The following SIPA1L3 variants were observed in gnomAD, a reference collection of about 807,000 sequenced individuals.
SIPA1L3 encodes signal induced proliferation associated 1 like 3.
In SIPA1L3, 59 loss-of-function variants were observed where a neutral mutation model predicts 150.1. The observed-to-expected ratio is 0.39, with a 90% CI of 0.32 to 0.49. The LOEUF is 0.49. Ranked by LOEUF, SIPA1L3 falls within the 20% of genes least tolerant of loss-of-function variation. SIPA1L3 has a pLI of 0.86. For synonymous variants in SIPA1L3, 1,070 were observed against 1,077.6 expected, an observed-to-expected ratio of 0.99 and a Z score of 0.14; for missense variants, 2,211 against 2,489.5, an observed-to-expected ratio of 0.89 and a Z score of 2.38.
chr19:37,990,692 T>C (rs1967481941), intron 1 of SIPA1L3, among the ~76,000 whole-genome samples: 1 of 152,210 alleles, frequency 6.6e-6, no homozygotes, highest in Non-Finnish European at 1.5e-5. Context: ...CCTTGACTTG[T>C]AGCTGGCAAG....
intron 15 of SIPA1L3, among the ~76,000 whole-genome samples, chr19:38,167,634 C>T (rs919094295): frequency 3.9e-5 from 6 of 152,176 alleles, no homozygotes; most frequent in Non-Finnish European, 7.3e-5. Context: ...ACGACCATAG[C>T]TCACGATAGC....
chr19:37,923,115 C>A (rs1232729254), intron 1 of SIPA1L3, among the ~76,000 whole-genome samples: 1 of 149,220 alleles, frequency 6.7e-6, no homozygotes, highest in African/African-American at 2.5e-5. Flanking sequence ...CCAGCCTGGG[C>A]GACAGAGCGA....
At position 38,015,381 on chromosome 19, in the gene SIPA1L3, G is replaced by T. The variant is rs932592883; in HGVS notation, c.-378-13708G>T. On this transcript the variant is annotated intron_variant, in intron 1 of 21. Coordinates refer to ENST00000222345, the MANE Select transcript of SIPA1L3 (RefSeq NM_015073.3). ...ACCGTATCTTTCTCTTGCCTTCCAT[G>T]TCATTGTTCTGCATACCTAGTTGGC... Among the ~76,000 whole-genome samples the T allele has an allele frequency of 4.6e-5, 7 of 152,130 alleles. 1 individual carries two copies. The highest frequency in any genetic ancestry group is 4.1e-4 in the South Asian group (2 of 4,822).
At chr19:38,099,421 G>A (rs1261606501) in intron 4 of SIPA1L3, among the ~76,000 whole-genome samples, 1 of 151,772 alleles carries the variant, frequency 6.6e-6, no homozygotes, top group African/African-American at 2.4e-5. Flanking sequence ...CAAGGCAGGT[G>A]GGTGTTTTAC....
intron 2 of SIPA1L3, among the ~76,000 whole-genome samples, chr19:38,077,134 G>C (rs936681879): frequency 1.3e-5 from 2 of 152,124 alleles, no homozygotes; most frequent in Non-Finnish European, 2.9e-5. Context: ...GGCAGCAGAT[G>C]AGTTCCCAGA....
At chr19:37,988,155 A>G (rs973055309) in intron 1 of SIPA1L3, among the ~76,000 whole-genome samples, 4 of 152,064 alleles carry the variant, frequency 2.6e-5, no homozygotes, top group Non-Finnish European at 5.9e-5. Flanking sequence ...GGGCCTGTGA[A>G]CACCTGAGGT....
chr19:37,913,138 G>A (rs1175634506), intron 1 of SIPA1L3, among the ~76,000 whole-genome samples: 1 of 152,144 alleles, frequency 6.6e-6, no homozygotes, highest in Non-Finnish European at 1.5e-5. Flanking sequence ...TGGCAAAATG[G>A]GTATGATAGT....
intron 21 of SIPA1L3, 59 bp from the exon 22 acceptor site, chr19:38,206,038 C>T (rs559773715): frequency 9.7e-5 from 143 of 1,477,596 alleles, no homozygotes; most frequent in Non-Finnish European, 1.1e-4. Context: ...AGGGAGCCAT[C>T]GGCTGTTCCA....
chr19:38,092,258 C>T (rs948757596), intron 4 of SIPA1L3, among the ~76,000 whole-genome samples: 16 of 151,884 alleles, frequency 1.1e-4, no homozygotes, highest in African/African-American at 3.1e-4. Context: ...AGGAGAAATA[C>T]CTAATGTAAA....
At chr19:38,080,746 G>C (rs941924761) in intron 2 of SIPA1L3, among the ~76,000 whole-genome samples, 1 of 151,982 alleles carries the variant, frequency 6.6e-6, no homozygotes, top group Non-Finnish European at 1.5e-5. Flanking sequence ...GGCGGGCGGG[G>C]ATTGCCTGAG....
intron 1 of SIPA1L3, among the ~76,000 whole-genome samples, chr19:37,956,963 T>C (rs1015433468): frequency 6.6e-6 from 1 of 152,214 alleles, no homozygotes; most frequent in Non-Finnish European, 1.5e-5. Context: ...AATTTTGATA[T>C]CATTTTTGTG....
intron 2 of SIPA1L3, among the ~76,000 whole-genome samples, chr19:38,074,859 A>G (rs1473648573): frequency 6.6e-6 from 1 of 152,116 alleles, no homozygotes; most frequent in African/African-American, 2.4e-5. Context: ...TGGCCTCCCA[A>G]ATAGCTGGAA....
In SIPA1L3 at chr19:38,110,338, A is replaced by G; in HGVS notation, c.2245A>G (p.Ile749Val). ...CCGCTCCCACTTCCAGCACGTCTTC[A>G]TCATTGTCCGAGTCCACAACCCCTG... Reference protein sequence around the residue: ...NIRSHFQHVFIIVRVHNPCTD... With the variant: ...NIRSHFQHVFVIVRVHNPCTD... The change falls in exon 8 of 22, where the codon ATC becomes GTC. Residue 749 changes from isoleucine to valine, a missense_variant. By Grantham distance (29) the Ile-to-Val change is conservative. This residue lies in a region of SIPA1L3 where 625 missense variants were observed against 804.2 expected (regional missense o/e 0.78). Transcript: ENST00000222345. 2.5e-6 allele frequency: 4 copies of G among 1,613,932 alleles called. No homozygotes were observed. Among genetic ancestry groups the G allele is most frequent in the African/African-American group, 1.3e-5 (1 of 74,976 alleles).
rs775415008 is a variant in SIPA1L3 at position 38,171,046 on chromosome 19, CAT to C, written c.4208+6143_4208+6144del. 4.0e-4 allele frequency among the ~76,000 whole-genome samples: 61 copies of C among 151,970 alleles called. No individual in the cohort carries two copies. In the Middle Eastern group the frequency reaches 0.02, roughly 51 times the overall value. On this transcript the variant is annotated intron_variant, in intron 15 of 21. Transcript: ENST00000222345. ...ATATACAACTATGTATATATACACA[CAT>C]ATGTTTTTTTTTAAGTCTGTTGAAT...
At chr19:37,984,501 G>T (rs2145621797) in intron 1 of SIPA1L3, among the ~76,000 whole-genome samples, 2 of 152,246 alleles carry the variant, frequency 1.3e-5, no homozygotes, top group Middle Eastern at 6.8e-3. Context: ...TTATTGTGAG[G>T]CTGCGAAACA....
At chr19:38,012,795 T>C (rs1345691502) in intron 1 of SIPA1L3, among the ~76,000 whole-genome samples, 1 of 152,178 alleles carries the variant, frequency 6.6e-6, no homozygotes. Flanking sequence ...CAGCTTTGTT[T>C]TCCTGGGGAT....
chr19:38,112,994 G>A (rs1970800016), intron 8 of SIPA1L3, among the ~76,000 whole-genome samples: 1 of 152,092 alleles, frequency 6.6e-6, no homozygotes, highest in Non-Finnish European at 1.5e-5. Flanking sequence ...GATCACCTGA[G>A]GTCAGGAGTT....
At chr19:38,132,566 A>G (rs1971336521) in intron 10 of SIPA1L3, among the ~76,000 whole-genome samples, 1 of 148,724 alleles carries the variant, frequency 6.7e-6, no homozygotes, top group Admixed American at 6.7e-5. Context: ...CCTGGGCAAC[A>G]AGAATGAAGC....
chr19:37,997,568 T>TA (rs71177495), intron 1 of SIPA1L3, among the ~76,000 whole-genome samples: 54,314 of 83,898 alleles, frequency 0.65, 18,791 homozygotes, highest in Middle Eastern at 0.78. Flanking sequence ...ACTGTCTCAT[T>TA]AAAAAAAAAA....
Sources: allele counts gnomAD v4.1 joint callset (sites outside exome capture counted in the v4.1 genomes callset), GRCh38; gene constraint gnomAD v4.1.1; regional missense constraint gnomAD v4.1.1; transcripts MANE v1.5; gene names NCBI Gene and HGNC (gene_info 2026-07-23, HGNC 2026-07-21).